Variants in EXOC2 observed in about 807,000 individuals in gnomAD.
EXOC2 encodes the protein exocyst complex component 2.
A neutral mutation model predicts 131.8 loss-of-function variants in EXOC2; 70 were observed. The observed-to-expected ratio is 0.53, with a 90% confidence interval of 0.44 to 0.65. EXOC2 has a LOEUF of 0.65. Ranked by LOEUF, EXOC2 falls within the 30% of genes least tolerant of loss-of-function variation. The pLI, the probability that EXOC2 is intolerant of heterozygous loss-of-function variation, is 0.00. For missense variants in EXOC2, 923 were observed against 1,108.6 expected (o/e 0.83, Z 2.38); for synonymous variants, 411 against 398.4 (o/e 1.03, Z -0.38).
intron 10 of EXOC2, among the ~76,000 whole-genome samples, chr6:593,568 G>C (rs889431326): frequency 2.6e-5 from 4 of 152,188 alleles, no homozygotes; most frequent in African/African-American, 4.8e-5. Flanking sequence ...AAAAATTTCT[G>C]TCAAATATTA....
chr6:564,982 GA>G (rs1247305100), intron 13 of EXOC2, 53 bp from the exon 14 acceptor site: 1 of 1,431,144 alleles, frequency 7.0e-7, no homozygotes, highest in African/African-American at 1.4e-5. Context: ...TTAAAAATAA[GA>G]AATGCTTTAG....
intron 11 of EXOC2, among the ~76,000 whole-genome samples, chr6:588,215 T>A (rs1759324156): frequency 6.6e-6 from 1 of 152,246 alleles, no homozygotes. Flanking sequence ...AGATTAGCAG[T>A]GTTTACTGAC....
chr6:515,972 G>A (rs561152961), intron 23 of EXOC2, among the ~76,000 whole-genome samples: 12 of 152,282 alleles, frequency 7.9e-5, no homozygotes, highest in African/African-American at 2.9e-4. Context: ...TGGTTTGTTA[G>A]GAAGTCCAAC....
chr6:656,089 A>G (rs760522430), intron 1 of EXOC2: 3 of 1,552,394 alleles, frequency 1.9e-6, no homozygotes, highest in East Asian at 4.5e-5. Context: ...TAAAAAAAAA[A>G]TCTAAGCTGG....
intron 11 of EXOC2, among the ~76,000 whole-genome samples, chr6:589,663 C>G (rs1315293777): frequency 6.6e-6 from 1 of 152,248 alleles, no homozygotes; most frequent in Non-Finnish European, 1.5e-5. Context: ...GCACTTCCGG[C>G]TCCTGGCACA....
chr6:547,775 A>G (rs1042936705), intron 22 of EXOC2, among the ~76,000 whole-genome samples: 6 of 152,184 alleles, frequency 3.9e-5, no homozygotes, highest in Admixed American at 1.3e-4. Flanking sequence ...AGAGCCTACC[A>G]TTTATACTGC....
intron 12 of EXOC2, among the ~76,000 whole-genome samples, chr6:573,157 T>C (rs1758380114): frequency 1.3e-5 from 2 of 152,232 alleles, no homozygotes; most frequent in African/African-American, 4.8e-5. Flanking sequence ...TGCAATCACA[T>C]ACTAAATAAC....
At chr6:604,061 G>C (rs1171577735) in intron 7 of EXOC2, among the ~76,000 whole-genome samples, 1 of 152,188 alleles carries the variant, frequency 6.6e-6, no homozygotes, top group African/African-American at 2.4e-5. Flanking sequence ...CCCGTTTTAT[G>C]TTGGAGGCAA....
chr6:660,468 C>T (rs1040880802), intron 1 of EXOC2, among the ~76,000 whole-genome samples: 1 of 152,184 alleles, frequency 6.6e-6, no homozygotes, highest in African/African-American at 2.4e-5. Context: ...AGATGGTTCA[C>T]ATCACAGGAC....
At chr6:687,171 C>CATTTTTTTT (rs1764696120) in intron 1 of EXOC2, among the ~76,000 whole-genome samples, 1 of 78,360 alleles carries the variant, frequency 1.3e-5, no homozygotes, top group Non-Finnish European at 2.2e-5. Context: ...AAATAATATT[C>CATTTTTTTT]TTTTTTTTTT....
chr6:486,463 G>C lies in EXOC2; in HGVS notation c.*208C>G. On this transcript the variant is annotated 3_prime_UTR_variant, in exon 28 of 28. Coordinates refer to ENST00000230449, the MANE Select transcript of EXOC2 (RefSeq NM_018303.6). ...TTAAAGTCATACAGGATCTGATCTA[G>C]TAAGAATGGCAAAACAAATACTTCC... 2 of 539,570 alleles carry C rather than the reference G, an allele frequency of 3.7e-6. No individual in the cohort carries two copies. The allele number at this position is 539,570 out of a possible 1,614,324, so 33.4% of individuals were successfully genotyped here.
At chr6:508,760 T>G (rs1337995446) in intron 23 of EXOC2, among the ~76,000 whole-genome samples, 1 of 152,252 alleles carries the variant, frequency 6.6e-6, no homozygotes, top group East Asian at 1.9e-4. Context: ...TTTGTGTGGA[T>G]GTAACTTTTC....
chr6:599,374 G>C, intron 7 of EXOC2, 149 bp from the exon 8 acceptor site: 1 of 729,498 alleles, frequency 1.4e-6, no homozygotes, highest in Non-Finnish European at 2.0e-6. Flanking sequence ...ATCTTTTATG[G>C]TTTGCTAAAA....
At chr6:537,575 C>T (rs546501785) in intron 22 of EXOC2, among the ~76,000 whole-genome samples, 29 of 152,318 alleles carry the variant, frequency 1.9e-4, no homozygotes, top group Admixed American at 3.3e-4. Context: ...GCTTGTGCCA[C>T]GACCAGCTAT....
intron 1 of EXOC2, among the ~76,000 whole-genome samples, chr6:643,355 G>C (rs1015009505): frequency 6.6e-6 from 1 of 151,684 alleles, no homozygotes; most frequent in African/African-American, 2.4e-5. Context: ...CAATTCCAAA[G>C]ACCGAAATTC....
chr6:568,617 C>T (rs1758105539), intron 13 of EXOC2, among the ~76,000 whole-genome samples: 1 of 152,186 alleles, frequency 6.6e-6, no homozygotes, highest in South Asian at 2.1e-4. Context: ...TGGACGCTTG[C>T]TTCACCTGCT....
intron 7 of EXOC2, among the ~76,000 whole-genome samples, chr6:605,596 CTTCT>C (rs1309616607): frequency 2.6e-5 from 4 of 151,936 alleles, no homozygotes; most frequent in South Asian, 4.1e-4. Flanking sequence ...TCTCTCTTTT[CTTCT>C]TTATTAGTCT....
chr6:587,645 C>G (rs1430171398), intron 11 of EXOC2, among the ~76,000 whole-genome samples: 2 of 152,196 alleles, frequency 1.3e-5, no homozygotes, highest in South Asian at 2.1e-4. Context: ...CCAAAGCACA[C>G]TCTATTTCAC....
chr6:552,019 G>C (rs568341044), intron 21 of EXOC2, among the ~76,000 whole-genome samples: 6 of 152,352 alleles, frequency 3.9e-5, no homozygotes, highest in African/African-American at 1.4e-4. Flanking sequence ...GGAGCACAGA[G>C]TGCCTTGGCG....
Sources: allele counts gnomAD v4.1 joint callset (sites outside exome capture counted in the v4.1 genomes callset), GRCh38; gene constraint gnomAD v4.1.1; transcripts MANE v1.5; gene names NCBI Gene and HGNC (gene_info 2026-07-23, HGNC 2026-07-21).